The following BSDC1 variants were observed in gnomAD, a reference collection of about 807,000 sequenced individuals.
BSDC1 encodes BSD domain containing 1.
In BSDC1, 29 loss-of-function variants were observed where a neutral mutation model predicts 56.0. The ratio of observed to expected loss-of-function variants is 0.52; its 90% CI spans 0.39 to 0.71. BSDC1 has a LOEUF of 0.71. BSDC1 is among the 30% of genes least tolerant of loss of function. The pLI, the probability that BSDC1 is intolerant of heterozygous loss-of-function variation, is 0.00. For synonymous variants in BSDC1, 210 were observed against 215.3 expected, an observed-to-expected ratio of 0.98 and a Z score of 0.21; for missense variants, 477 against 548.5, an observed-to-expected ratio of 0.87 and a Z score of 1.30.
At chr1:32,372,062 CT>C (rs1642111894) in intron 9 of BSDC1, among the ~76,000 whole-genome samples, 1 of 152,092 alleles carries the variant, frequency 6.6e-6, no homozygotes, top group African/African-American at 2.4e-5. Flanking sequence ...AGACCTGGCC[CT>C]GCCGTTTGAG....
chr1:32,386,191 C>T (rs954307079), intron 3 of BSDC1, among the ~76,000 whole-genome samples: 7 of 151,894 alleles, frequency 4.6e-5, no homozygotes, highest in Non-Finnish European at 8.8e-5. Flanking sequence ...TGGTGGCGGG[C>T]GCCTGTAGCC....
At chr1:32,367,030 G>A in intron 10 of BSDC1, 2 of 1,017,642 alleles carry the variant, frequency 2.0e-6, no homozygotes, top group African/African-American at 1.7e-5. Context: ...GGAGGCCTGA[G>A]CAGATACTTG....
intron 1 of BSDC1, 66 bp from the exon 2 acceptor site, chr1:32,394,206 G>T (rs1427608234): frequency 6.3e-7 from 1 of 1,580,910 alleles, no homozygotes; most frequent in Non-Finnish European, 8.6e-7. Context: ...GATCCGGTTT[G>T]TTCCCCGCTC....
At chr1:32,394,011 G>A in intron 2 of BSDC1, 69 bp downstream of exon 2, 11 of 1,517,168 alleles carry the variant, frequency 7.3e-6, no homozygotes, top group Middle Eastern at 1.9e-4. Context: ...GGGCGGGGCT[G>A]GTTGGACCAG....
intron 9 of BSDC1, chr1:32,374,623 C>G (rs1248568712): frequency 1.3e-5 from 2 of 152,290 alleles, no homozygotes; most frequent in African/African-American, 4.8e-5. Flanking sequence ...GCCCCATGCC[C>G]TTTGCTAGCT....
chr1:32,371,693 C>A (rs565084387), intron 9 of BSDC1, among the ~76,000 whole-genome samples: 4 of 152,070 alleles, frequency 2.6e-5, no homozygotes, highest in Admixed American at 2.6e-4. Flanking sequence ...TCCGTTTCTT[C>A]TTCTCCGACC....
At chr1:32,366,784 C>T (rs1415169286) in intron 10 of BSDC1, 130 bp from the exon 11 acceptor site, 4 of 1,424,104 alleles carry the variant, frequency 2.8e-6, no homozygotes, top group African/African-American at 2.9e-5. Context: ...TGAGGTCCCA[C>T]TGAGAGTGAA....
chr1:32,391,763 G>C (rs1382860248), intron 2 of BSDC1, among the ~76,000 whole-genome samples: 1 of 152,116 alleles, frequency 6.6e-6, no homozygotes, highest in African/African-American at 2.4e-5. Flanking sequence ...GAGTGGTCCA[G>C]ATGGAGCCAG....
At chr1:32,392,277 C>T (rs180891348) in intron 2 of BSDC1, among the ~76,000 whole-genome samples, 1 of 152,276 alleles carries the variant, frequency 6.6e-6, no homozygotes, top group Non-Finnish European at 1.5e-5. Flanking sequence ...AGTTGCAGAG[C>T]TGAGACTGAG....
chr1:32,370,803 CAAAAAAA>C (rs58351365), intron 9 of BSDC1, among the ~76,000 whole-genome samples: 10 of 50,130 alleles, frequency 2.0e-4, no homozygotes, highest in South Asian at 2.1e-3. Context: ...GACTCCGTCT[CAAAAAAA>C]AAAAAAAAAA....
rs146850264 is a variant in BSDC1 at position 32,365,010 on chromosome 1, T to A, written c.*1612A>T. Reference sequence around the variant, plus strand: ...AGGTACGTCCTCTGGACCTAGGCTATCCCCCTACCCTGTCTCTGGCTCCAA... The same window carrying A: ...AGGTACGTCCTCTGGACCTAGGCTAACCCCCTACCCTGTCTCTGGCTCCAA... On this transcript the variant is annotated 3_prime_UTR_variant, in exon 11 of 11. Transcript: ENST00000455895. 1.2e-4 allele frequency: 18 copies of A among 152,224 alleles called. No homozygotes were observed. The highest frequency in any genetic ancestry group is 4.3e-4 in the African/African-American group (18 of 41,520). The allele number at this position is 152,224 out of a possible 1,614,324, so 9.4% of individuals were successfully genotyped here.
chr1:32,383,996 G>A lies in BSDC1; in HGVS notation c.191C>T (p.Thr64Met), dbSNP rs750563317. ...CTCTGTTGCTCCTGAGGAGCCTTCC[G>A]TCTGTATAGAGAACGGGCAGAGGAA... ...TASVVKEKLA[T>M]EGSSGATEKM... is the part of the protein sequence containing the mutation. The change falls in exon 4 of 11, where the codon ACG (threonine) becomes ATG (methionine). Residue 64 changes from threonine (T) to methionine (M), a missense_variant and splice_region_variant. Physicochemically the swap from Thr to Met is moderately conservative, Grantham distance 81 (BLOSUM62 -1). Coordinates refer to ENST00000455895, the MANE Select transcript of BSDC1 (RefSeq NM_018045.8). 1.3e-5 allele frequency: 21 copies of A among 1,613,068 alleles called. No individual in the cohort carries two copies. The highest frequency in any genetic ancestry group is 6.7e-5 in the African/African-American group (5 of 74,882).
chr1:32,378,880 G>T lies in BSDC1; in HGVS notation c.413-41C>A. 7.5e-7 allele frequency: 1 copy of T among 1,333,656 alleles called. No homozygotes were observed. Among genetic ancestry groups the T allele is most frequent in the South Asian group, 1.6e-5 (1 of 63,424 alleles). The allele number at this position is 1,333,656 out of a possible 1,614,324, so 82.6% of individuals were successfully genotyped here. On this transcript the variant is annotated intron_variant, in intron 5 of 10. Coordinates refer to ENST00000455895, the MANE Select transcript of BSDC1 (RefSeq NM_018045.8). The surrounding 1 kb of genome is among the most constrained non-coding windows in gnomAD (Gnocchi z 5.2). ...TGCTGACGGTCAGTTGCCTTGGTCTGGGAAAAGAACACTGGGCTTACAGAA... is the reference window on the plus strand; with the variant it reads ...TGCTGACGGTCAGTTGCCTTGGTCTTGGAAAAGAACACTGGGCTTACAGAA...
At chr1:32,369,981 AT>A (rs1176644929) in intron 9 of BSDC1, among the ~76,000 whole-genome samples, 1 of 146,824 alleles carries the variant, frequency 6.8e-6, no homozygotes, top group Non-Finnish European at 1.5e-5. Context: ...ATTTTTACTT[AT>A]TTATTTATTT....
chr1:32,391,631 T>G (rs1309844292), intron 2 of BSDC1, among the ~76,000 whole-genome samples: 1 of 152,242 alleles, frequency 6.6e-6, no homozygotes, highest in Non-Finnish European at 1.5e-5. Flanking sequence ...TCAGTCATAT[T>G]GCCCTTGACA....
rs1445095410 is a variant in BSDC1, at chr1:32,384,733, A to G, written c.190-736T>C. 3.9e-5 allele frequency among the ~76,000 whole-genome samples: 6 copies of G among 152,164 alleles called. No individual in the cohort carries two copies. The East Asian group carries it at 1.2e-3, about 29-fold the overall frequency. On this transcript the variant is annotated intron_variant, in intron 3 of 10. Coordinates refer to ENST00000455895, the MANE Select transcript of BSDC1 (RefSeq NM_018045.8). The stretch of plus-strand genomic sequence containing the variant: ...CAGCAGACAGGGATAGGGTGCTGAG[A>G]AAAGGGTCTAAAAACCTCATGGAAA...
intron 9 of BSDC1, among the ~76,000 whole-genome samples, chr1:32,370,803 C>CAAAAAA (rs58351365): frequency 1.0e-4 from 5 of 50,124 alleles, no homozygotes; most frequent in Non-Finnish European, 1.5e-4. Flanking sequence ...GACTCCGTCT[C>CAAAAAA]AAAAAAAAAA....
intron 3 of BSDC1, 187 bp from the exon 4 acceptor site, chr1:32,384,184 G>A (rs753464545): frequency 1.4e-6 from 1 of 710,556 alleles, no homozygotes; most frequent in Non-Finnish European, 2.3e-6. Context: ...CCCAAGTGGG[G>A]CTGCAGAACA....
chr1:32,369,384 A>G, intron 9 of BSDC1: 1 of 977,910 alleles, frequency 1.0e-6, no homozygotes. Flanking sequence ...GTACACACCT[A>G]AGGAGTCCCA....
Sources: gnomAD v4.1 joint callset for allele counts (sites outside exome capture counted in the v4.1 genomes callset) on GRCh38, gnomAD v4.1.1 for gene constraint, Gnocchi (gnomAD v3.1) non-coding constraint, MANE v1.5 for transcripts, NCBI Gene and HGNC (gene_info 2026-07-23, HGNC 2026-07-21) for gene names.